Variants in PAN2 observed in about 807,000 individuals in gnomAD.
The protein encoded by PAN2 is PAN2-PAN3 deadenylation complex catalytic subunit PAN2.
In PAN2, 68 loss-of-function variants were observed where a neutral mutation model predicts 133.3. That is an observed-to-expected ratio of 0.51 (90% CI 0.42 to 0.62). PAN2 has a LOEUF of 0.62. PAN2 is among the 20% of genes least tolerant of loss of function. The probability of loss-of-function intolerance (pLI) is 0.00; values close to 1 mark genes in which losing one functional copy is unlikely to be tolerated. For missense variants in PAN2, 1,042 were observed against 1,500.5 expected, an observed-to-expected ratio of 0.69 and a Z score of 5.05; for synonymous variants, 462 against 544.6, an observed-to-expected ratio of 0.85 and a Z score of 2.11.
chr12:56,332,749 T>G, intron 2 of PAN2, 64 bp downstream of exon 2: 4 of 1,541,518 alleles, frequency 2.6e-6, no homozygotes. Flanking sequence ...GCAGCTTCCT[T>G]GGGTTAAGAC....
In PAN2 at chr12:56,319,781, A is replaced by G; in HGVS notation, c.2947-17T>C. On this transcript the variant is annotated splice_polypyrimidine_tract_variant and intron_variant, in intron 21 of 25. Coordinates refer to ENST00000440411, the MANE Select transcript of PAN2 (RefSeq NM_014871.6). This position sits in a 1 kb window ranked among gnomAD's most constrained non-coding sequence, Gnocchi z 5.4. The stretch of plus-strand genomic sequence containing the variant: ...TGCTTCCTCCTACATGAGAAGAGTT[A>G]ATAAGGAAATCAGAGAAATGCTTAC... 1 of 1,612,300 alleles carries G rather than the reference A, an allele frequency of 6.2e-7. No individual in the cohort carries two copies. Among genetic ancestry groups the G allele is most frequent in the East Asian group, 2.2e-5 (1 of 44,886 alleles).
Position 56,319,273 on chromosome 12 carries a change from C to T in PAN2, c.3270+35G>A. On this transcript the variant is annotated intron_variant, in intron 23 of 25. Transcript: ENST00000440411. This position sits in a 1 kb window ranked among gnomAD's most constrained non-coding sequence, Gnocchi z 5.4. ...CAATGTATACCCTGAGGGGCCCACT[C>T]TCACAAGAAGACTCTTAAAAGAGCC... 6.2e-7 allele frequency: 1 copy of T among 1,611,524 alleles called. No homozygotes were observed. The highest frequency in any genetic ancestry group is 8.5e-7 in the Non-Finnish European group (1 of 1,178,518).
intron 1 of PAN2, 51 bp downstream of exon 1, chr12:56,333,811 G>C (rs1876185760): frequency 6.6e-6 from 1 of 152,566 alleles, no homozygotes; most frequent in African/African-American, 2.4e-5. Context: ...GAGGGGGATA[G>C]GGCAAGGGTC....
intron 25 of PAN2, 89 bp from the exon 26 acceptor site, chr12:56,317,732 A>T: frequency 9.0e-7 from 1 of 1,110,704 alleles, no homozygotes; most frequent in Admixed American, 1.9e-5. Flanking sequence ...ATGCAAGAGA[A>T]AAAAGGGCAT....
At chr12:56,318,683 C>G (rs111981722) in intron 24 of PAN2, 4 of 484,786 alleles carry the variant, frequency 8.3e-6, no homozygotes, top group East Asian at 3.4e-5. Context: ...TTCTTTTCCC[C>G]CCATGCTTTT....
Position 56,333,165 on chromosome 12 carries a change from C to A in PAN2, c.-71G>T. On this transcript the variant is annotated 5_prime_UTR_variant, in exon 2 of 26. The change creates a new upstream start codon in the 5' untranslated region. Coordinates refer to ENST00000440411, the MANE Select transcript of PAN2 (RefSeq NM_014871.6). The stretch of plus-strand genomic sequence containing the variant: ...AGTCCCTTTAGATGCCTGACCCAAC[C>A]TTCAGCAAGACAGCACCGATGGGCC... 2 of 1,521,014 alleles carry A rather than the reference C, an allele frequency of 1.3e-6. No homozygotes were observed. Among genetic ancestry groups the A allele is most frequent in the Non-Finnish European group, 1.8e-6 (2 of 1,106,746 alleles). The allele number at this position is 1,521,014 out of a possible 1,614,324, so 94.2% of individuals were successfully genotyped here.
chr12:56,331,886 T>C (rs566610516), intron 2 of PAN2, among the ~76,000 whole-genome samples: 11 of 152,020 alleles, frequency 7.2e-5, no homozygotes, highest in African/African-American at 2.7e-4. Context: ...GCTAATTTTT[T>C]GCATTTTTAG....
In PAN2 at chr12:56,327,430, C is replaced by T; in HGVS notation, c.853G>A (p.Val285Met). The change falls in exon 6 of 26, where the codon GTG (valine) becomes ATG (methionine). Residue 285 changes from valine (V) to methionine (M), a missense_variant. Physicochemically the swap from Val to Met is conservative, Grantham distance 21. This residue lies in a region of PAN2 where 908 missense variants were observed against 1,223.5 expected (regional missense o/e 0.74). Coordinates refer to ENST00000440411, the MANE Select transcript of PAN2 (RefSeq NM_014871.6). ...MRAITPLQVH[V>M]DPAFLRFIPT... ...ATGAAGCGCAAGAAGGCAGGATCCA[C>T]ATGTACTTGAAGTGGTGTGATGGCA... 6.2e-7 allele frequency: 1 copy of T among 1,614,210 alleles called. No homozygotes were observed. Among genetic ancestry groups the T allele is most frequent in the Non-Finnish European group, 8.5e-7 (1 of 1,180,040 alleles).
rs1450085853 is a variant in PAN2, at chr12:56,332,820, C to T, written c.275G>A (p.Ser92Asn). Reference protein sequence around the residue: ...DLHEEMLWVGSHGGHATSFFG... With the variant: ...DLHEEMLWVGNHGGHATSFFG... ...AAGGGGTACAGTTCTTACCCCGTGG[C>T]TCCCCACCCACAGCATCTCCTCGTG... Residue 92 changes from serine to asparagine, a missense_variant, in exon 2 of 26, where the codon AGC becomes AAC. Around this residue, in one of 3 missense-constraint regions of PAN2, gnomAD observed 908 missense variants for 1,223.5 expected, o/e 0.74. Transcript: ENST00000440411. The T allele has an allele frequency of 6.2e-7, 1 of 1,613,890 alleles. No homozygotes were observed. The highest frequency in any genetic ancestry group is 1.3e-5 in the African/African-American group (1 of 74,922).
rs368207391 is a variant in PAN2, at chr12:56,323,601, G to T, written c.2173-3C>A. ...TGGCGGATGTTGCGGGTCTGAATCTGAGAGGAAGAAACAAACAAGGAATGG... is the reference window on the plus strand; with the variant it reads ...TGGCGGATGTTGCGGGTCTGAATCTTAGAGGAAGAAACAAACAAGGAATGG... On this transcript the variant is annotated splice_polypyrimidine_tract_variant and splice_region_variant and intron_variant, in intron 14 of 25. Transcript: ENST00000440411. 1.8e-5 allele frequency: 29 copies of T among 1,613,088 alleles called. No homozygotes were observed. Among genetic ancestry groups the T allele is most frequent in the Non-Finnish European group, 2.2e-5 (26 of 1,179,224 alleles).
chr12:56,317,381 T>C lies in PAN2; in HGVS notation c.*228A>G, dbSNP rs1327683316. 8.6e-6 allele frequency: 5 copies of C among 582,854 alleles called. No homozygotes were observed. In the East Asian group the frequency reaches 1.4e-4, roughly 17 times the overall value. The allele number at this position is 582,854 out of a possible 1,614,324, so 36.1% of individuals were successfully genotyped here. ...CTGGGTCAATTCTAGACTCCATGTC[T>C]GTACCACTGTTTTGCAAAGAATGAA... On this transcript the variant is annotated 3_prime_UTR_variant, in exon 26 of 26. Coordinates refer to ENST00000440411, the MANE Select transcript of PAN2 (RefSeq NM_014871.6).
intron 5 of PAN2, 104 bp from the exon 6 acceptor site, chr12:56,327,735 G>A (rs888400629): frequency 3.7e-6 from 5 of 1,368,472 alleles, no homozygotes; most frequent in African/African-American, 2.9e-5. Flanking sequence ...AGGGCTTTAG[G>A]ACAGGGAAAG....
intron 4 of PAN2, 74 bp downstream of exon 4, chr12:56,328,164 T>C: frequency 6.2e-7 from 1 of 1,601,102 alleles, no homozygotes; most frequent in Non-Finnish European, 8.5e-7. Context: ...TCAGGCACAT[T>C]ACCAGCCCAA....
At chr12:56,331,351 T>C (rs1178734080) in intron 2 of PAN2, among the ~76,000 whole-genome samples, 2 of 152,210 alleles carry the variant, frequency 1.3e-5, no homozygotes, top group Admixed American at 6.5e-5. Context: ...TAAGACGCCT[T>C]TTCCCATCTT....
rs1874032708 is a variant in PAN2, at chr12:56,317,324, C to T, written c.*285G>A. The T allele has an allele frequency of 4.5e-6, 2 of 444,920 alleles. No homozygotes were observed. Among genetic ancestry groups the T allele is most frequent in the East Asian group, 8.3e-5 (2 of 24,166 alleles). The allele number at this position is 444,920 out of a possible 1,614,324, so 27.6% of individuals were successfully genotyped here. A position where few individuals can be genotyped will look rare whatever the true frequency, so the allele number is the denominator to read the frequency against. ...GCTTCTCTGCCTGGATATTAGTCACCCAGGATATTAAGAATACCAATTACT... is the reference window on the plus strand; with the variant it reads ...GCTTCTCTGCCTGGATATTAGTCACTCAGGATATTAAGAATACCAATTACT... On this transcript the variant is annotated 3_prime_UTR_variant, in exon 26 of 26. Transcript: ENST00000440411.
intron 2 of PAN2, chr12:56,332,600 G>GA (rs373985446): frequency 0.09 from 28,810 of 320,094 alleles, 10 homozygotes; most frequent in South Asian, 0.12. Flanking sequence ...ACCCTGTCTC[G>GA]AAAAAAAAAA....
rs1233583606 is a variant in PAN2, at chr12:56,326,889, C to T, written c.990G>A (p.Gly330=). Reference sequence around the variant, plus strand: ...ACACATCAAATGTCATTAGCAGAGGCCCCACAGGATTCACATGAAAGATAT... The same window carrying T: ...ACACATCAAATGTCATTAGCAGAGGTCCCACAGGATTCACATGAAAGATAT... ...PADIFHVNPV[G]PLLMTFDVSA... is the part of the protein sequence containing the mutation. Residue 330 remains glycine (G), a synonymous_variant, in exon 7 of 26, where the codon GGG becomes GGA. Coordinates refer to ENST00000440411, the MANE Select transcript of PAN2 (RefSeq NM_014871.6). 3.7e-6 allele frequency: 6 copies of T among 1,614,180 alleles called. No individual in the cohort carries two copies. Among genetic ancestry groups the T allele is most frequent in the Non-Finnish European group, 5.1e-6 (6 of 1,180,026 alleles).
At position 56,325,412 on chromosome 12, in the gene PAN2, A is replaced by G. The variant is rs774383305; in HGVS notation, c.1402T>C (p.Phe468Leu). Residue 468 changes from phenylalanine (F) to leucine (L), a missense_variant, in exon 9 of 26, where the codon TTC (phenylalanine) becomes CTC (leucine). Physicochemically the swap from Phe to Leu is conservative, Grantham distance 22. Around this residue, in one of 3 missense-constraint regions of PAN2, gnomAD observed 908 missense variants for 1,223.5 expected, o/e 0.74. Coordinates refer to ENST00000440411, the MANE Select transcript of PAN2 (RefSeq NM_014871.6). ...LKESDSEFDS[F>L]SQVTESPVGR... Reference sequence around the variant, plus strand: ...ACTGGTGACTCAGTGACCTGGCTGAAGCTGTCAAATTCACTGTCTGACTCC... The same window carrying G: ...ACTGGTGACTCAGTGACCTGGCTGAGGCTGTCAAATTCACTGTCTGACTCC... 6.2e-7 allele frequency: 1 copy of G among 1,614,176 alleles called. No homozygotes were observed.
At position 56,327,352 on chromosome 12, in the gene PAN2, T is replaced by C. The variant is rs1565636215; in HGVS notation, c.919+12A>G. 1.2e-6 allele frequency: 2 copies of C among 1,613,614 alleles called. No homozygotes were observed. Among genetic ancestry groups the C allele is most frequent in the Admixed American group, 1.7e-5 (1 of 59,984 alleles). ...TCGATCCCTCCTACCCAATCCCATA[T>C]GCCCTTCATACCTGACTGAGAGATG... On this transcript the variant is annotated intron_variant, in intron 6 of 25. Transcript: ENST00000440411.
Sources: allele counts gnomAD v4.1 joint callset (sites outside exome capture counted in the v4.1 genomes callset), GRCh38; gene constraint gnomAD v4.1.1; regional missense constraint gnomAD v4.1.1; non-coding constraint Gnocchi (gnomAD v3.1); transcripts MANE v1.5; gene names NCBI Gene and HGNC (gene_info 2026-07-23, HGNC 2026-07-21).